PRX: variants seen among roughly 807,000 people sequenced by gnomAD.
The protein encoded by PRX is periaxin.
PRX carries 24 observed loss-of-function variants against 29.6 expected under a neutral mutation model. The ratio of observed to expected loss-of-function variants is 0.81; its 90% CI spans 0.59 to 1.14. The LOEUF (loss-of-function observed/expected upper bound fraction) is 1.14. Among genes scored for constraint, PRX ranks in the 50% most tolerant of loss-of-function variants. The pLI is 0.00. For synonymous variants in PRX, 772 were observed against 831.7 expected (o/e 0.93, Z 1.24); for missense variants, 1,838 against 1,926.4 (o/e 0.95, Z 0.86).
intron 1 of PRX, among the ~76,000 whole-genome samples, chr19:40,410,301 G>A (rs2079552725): frequency 6.6e-6 from 1 of 152,188 alleles, no homozygotes; most frequent in Non-Finnish European, 1.5e-5. Flanking sequence ...CAGGCCTCAC[G>A]CGGCACATTC....
In PRX at chr19:40,396,755, C is replaced by T; in HGVS notation, c.1597G>A (p.Val533Met). 1.2e-6 allele frequency: 2 copies of T among 1,610,234 alleles called. No individual in the cohort carries two copies. Among genetic ancestry groups the T allele is most frequent in the Non-Finnish European group, 8.5e-7 (1 of 1,178,636 alleles). The stretch of plus-strand genomic sequence containing the variant: ...ACCTCCGGCACAGCCATCTCTGGCA[C>T]CTTTGGGAGTTTCATCTCCGACACT... ...LKVSEMKLPKVPEMAVPEVRL... is the reference protein window; with the variant it reads ...LKVSEMKLPKMPEMAVPEVRL... Residue 533 changes from valine (V) to methionine (M), a missense_variant, in exon 7 of 7, where the codon GTG (valine) becomes ATG (methionine). By Grantham distance (21) the Val-to-Met change is conservative (BLOSUM62 1). This residue lies in a region of PRX where 29 missense variants were observed against 68.4 expected (regional missense o/e 0.42). Transcript: ENST00000324001.
chr19:40,395,683 C>A lies in PRX; in HGVS notation c.2669G>T (p.Gly890Val). ...CACTCGGAAGCCCACTTCCCTGACC[C>A]CTGCTGCCACCTCAGGGCCCTCCAC... ...ERVEGPEVAA[G>V]VREVGFRVPS... is the part of the protein sequence containing the mutation. The change falls in exon 7 of 7, where the codon GGG becomes GTG. Residue 890 changes from glycine to valine, a missense_variant. Coordinates refer to ENST00000324001, the MANE Select transcript of PRX (RefSeq NM_181882.3). The A allele has an allele frequency of 6.2e-7, 1 of 1,614,148 alleles. No individual in the cohort carries two copies. The highest frequency in any genetic ancestry group is 1.1e-5 in the South Asian group (1 of 91,086).
At position 40,398,085 on chromosome 19, in the gene PRX, G is replaced by C; in HGVS notation, c.382-115C>G. 1 of 1,456,216 alleles carries C rather than the reference G, an allele frequency of 6.9e-7. No individual in the cohort carries two copies. The highest frequency in any genetic ancestry group is 9.1e-7 in the Non-Finnish European group (1 of 1,104,590). The allele number at this position is 1,456,216 out of a possible 1,614,324, so 90.2% of individuals were successfully genotyped here. On this transcript the variant is annotated intron_variant, in intron 6 of 6. Transcript: ENST00000324001. This position sits in a 1 kb window ranked among gnomAD's most constrained non-coding sequence, Gnocchi z 6.3. ...GGGGATGTGCTGGGTCAAGTATCTTGTTCCCCAAACATCATCCCCACTTCT... is the reference window on the plus strand; with the variant it reads ...GGGGATGTGCTGGGTCAAGTATCTTCTTCCCCAAACATCATCCCCACTTCT...
chr19:40,403,948 T>TACATATATATATAA, intron 4 of PRX, 86 bp from the exon 5 acceptor site: 1 of 1,418,506 alleles, frequency 7.0e-7, no homozygotes, highest in Non-Finnish European at 9.6e-7. Flanking sequence ...GTGGCTCATA[T>TACATATATATATAA]ACATATATAT....
intron 5 of PRX, among the ~76,000 whole-genome samples, chr19:40,401,609 C>A (rs953114423): frequency 6.6e-6 from 1 of 152,164 alleles, no homozygotes; most frequent in African/African-American, 2.4e-5. Context: ...CTCTCCTCTT[C>A]ACTAACTCAA....
intron 1 of PRX, among the ~76,000 whole-genome samples, chr19:40,409,626 C>A (rs541721394): frequency 2.8e-4 from 42 of 152,174 alleles, no homozygotes; most frequent in African/African-American, 1.0e-3. Context: ...GTGCCCACCA[C>A]CACGCCTGGC....
At position 40,395,341 on chromosome 19, in the gene PRX, G is replaced by A. The variant is rs996865233; in HGVS notation, c.3011C>T (p.Ser1004Leu). Residue 1004 changes from serine (S) to leucine (L), a missense_variant, in exon 7 of 7, where the codon TCA (serine) becomes TTA (leucine). Around this residue, in one of 3 missense-constraint regions of PRX, gnomAD observed 1,143 missense variants for 1,193.0 expected, o/e 0.96. Transcript: ENST00000324001. ...GGCCCCTGCCACCTCTACCTTGCCTGAGGGCAGGTGGGCATCCAGGCTGAG... is the reference window on the plus strand; with the variant it reads ...GGCCCCTGCCACCTCTACCTTGCCTAAGGGCAGGTGGGCATCCAGGCTGAG... ...PQLSLDAHLP[S>L]GKVEVAGADL... 15 of 1,613,686 alleles carry A rather than the reference G, an allele frequency of 9.3e-6. No homozygotes were observed. Among genetic ancestry groups the A allele is most frequent in the Non-Finnish European group, 1.3e-5 (15 of 1,180,026 alleles).
At chr19:40,411,435 C>T (rs560396990) in intron 1 of PRX, among the ~76,000 whole-genome samples, 3 of 152,274 alleles carry the variant, frequency 2.0e-5, no homozygotes, top group Non-Finnish European at 2.9e-5. Flanking sequence ...GAGTCCTGAG[C>T]TGGGGACACG....
At position 40,400,592 on chromosome 19, in the gene PRX, C is replaced by CAAAAAAAAAAAAAAAAAAAAA. The variant is rs71171569; in HGVS notation, c.185-1797_185-1777dup. ...GGGCAACAAGAGCGAAATTCCATCTCAAAAAAAAAAAAAAAAAAAAAAAAA... is the reference window on the plus strand; with the variant it reads ...GGGCAACAAGAGCGAAATTCCATCTCAAAAAAAAAAAAAAAAAAAAAAAAAAAAAAAAAAAAAAAAAAAAAA... On this transcript the variant is annotated intron_variant, in intron 5 of 6. Coordinates refer to ENST00000324001, the MANE Select transcript of PRX (RefSeq NM_181882.3). 1.6e-3 allele frequency among the ~76,000 whole-genome samples: 71 copies of CAAAAAAAAAAAAAAAAAAAAA among 44,832 alleles called. 7 individuals are homozygous for CAAAAAAAAAAAAAAAAAAAAA. The highest frequency in any genetic ancestry group is 3.2e-3 in the African/African-American group (32 of 10,146). 29.4% of individuals were successfully genotyped at this position (44,832 alleles called of 152,430 possible).
chr19:40,407,212 T>TTCTGTGTGTG (rs372328171), intron 4 of PRX, among the ~76,000 whole-genome samples: 1 of 133,844 alleles, frequency 7.5e-6, no homozygotes, highest in African/African-American at 2.8e-5. Flanking sequence ...TTATATGCCC[T>TTCTGTGTGTG]TGTGTGTGTG....
At chr19:40,410,248 C>A (rs1209728937) in intron 1 of PRX, among the ~76,000 whole-genome samples, 1 of 152,176 alleles carries the variant, frequency 6.6e-6, no homozygotes, top group Non-Finnish European at 1.5e-5. Flanking sequence ...ACAGCCCCCA[C>A]CTGGCATGCC....
chr19:40,407,211 C>CG (rs1568716451), intron 4 of PRX, among the ~76,000 whole-genome samples: 26 of 102,394 alleles, frequency 2.5e-4, no homozygotes, highest in African/African-American at 1.5e-3. Flanking sequence ...ATTATATGCC[C>CG]TTGTGTGTGT....
At chr19:40,413,044 G>A (rs73559635) in intron 1 of PRX, among the ~76,000 whole-genome samples, 8,662 of 152,194 alleles carry the variant, frequency 0.057, 834 homozygotes, top group African/African-American at 0.2. Flanking sequence ...CTCTTTAAAA[G>A]CAGCAACTCA....
At chr19:40,399,940 C>A (rs7255909) in intron 5 of PRX, among the ~76,000 whole-genome samples, 1 of 133,374 alleles carries the variant, frequency 7.5e-6, no homozygotes, top group African/African-American at 2.7e-5. Context: ...AGCTTTCTTT[C>A]CTTTCTTTCT....
chr19:40,400,088 C>T (rs1201598149), intron 5 of PRX, among the ~76,000 whole-genome samples: 4 of 151,080 alleles, frequency 2.6e-5, no homozygotes, highest in East Asian at 2.0e-4. Context: ...GTTCAAGCGA[C>T]CCTCCTGCCT....
chr19:40,397,594 G>A lies in PRX; in HGVS notation c.758C>T (p.Ala253Val). The A allele has an allele frequency of 6.5e-7, 1 of 1,541,688 alleles. No individual in the cohort carries two copies. ...GAEVGVPQVS[A>V]PKAAPSAEAA... is the part of the protein sequence containing the mutation. Reference sequence around the variant, plus strand: ...CTCTGCTGAGGGGGCAGCCTTGGGGGCTGAGACCTGGGGGACACCCACCTC... The same window carrying A: ...CTCTGCTGAGGGGGCAGCCTTGGGGACTGAGACCTGGGGGACACCCACCTC... Residue 253 changes from alanine (A) to valine (V), a missense_variant, in exon 7 of 7, where the codon GCC becomes GTC. Physicochemically the swap from Ala to Val is moderately conservative, Grantham distance 64. Around this residue, in one of 3 missense-constraint regions of PRX, gnomAD observed 666 missense variants for 665.0 expected, o/e 1.00. Transcript: ENST00000324001.
chr19:40,399,871 C>A (rs1307085636), intron 5 of PRX, among the ~76,000 whole-genome samples: 1 of 67,096 alleles, frequency 1.5e-5, no homozygotes, highest in African/African-American at 8.5e-5. Flanking sequence ...TTCTTTCTTT[C>A]TTTCTTTCTT....
Position 40,396,514 on chromosome 19 carries a change from A to G in PRX, c.1838T>C (p.Val613Ala). The G allele has an allele frequency of 1.9e-6, 3 of 1,614,020 alleles. No individual in the cohort carries two copies. Among genetic ancestry groups the G allele is most frequent in the African/African-American group, 1.3e-5 (1 of 75,006 alleles). The change falls in exon 7 of 7, where the codon GTG becomes GCG. Residue 613 changes from valine to alanine, a missense_variant. Physicochemically the swap from Val to Ala is moderately conservative, Grantham distance 64. This residue lies in a region of PRX where 1,143 missense variants were observed against 1,193.0 expected (regional missense o/e 0.96). Transcript: ENST00000324001. The part of the protein sequence containing the change: ...VQLPKVPEMA[V>A]PDVHLPEVQL... ...CACTTCTGGGAGGTGCACATCGGGC[A>G]CGGCCATCTCGGGCACCTTCGGGAG...
At position 40,393,871 on chromosome 19, in the gene PRX, C is replaced by T; in HGVS notation, c.*95G>A. The T allele has an allele frequency of 1.3e-6, 2 of 1,584,076 alleles. No homozygotes were observed. The highest frequency in any genetic ancestry group is 1.7e-6 in the Non-Finnish European group (2 of 1,168,640). On this transcript the variant is annotated 3_prime_UTR_variant, in exon 7 of 7. Coordinates refer to ENST00000324001, the MANE Select transcript of PRX (RefSeq NM_181882.3). The stretch of plus-strand genomic sequence containing the variant: ...CCAGCCCTGGTCAGTCACCCACCTC[C>T]CGGCCCTCTTAGGGTTAGTGCTAGT...
Sources: gnomAD v4.1 joint callset for allele counts (sites outside exome capture counted in the v4.1 genomes callset) on GRCh38, gnomAD v4.1.1 for gene constraint, gnomAD v4.1.1 regional missense constraint, Gnocchi (gnomAD v3.1) non-coding constraint, MANE v1.5 for transcripts, NCBI Gene and HGNC (gene_info 2026-07-23, HGNC 2026-07-21) for gene names.